Variants in PRKG1 observed in about 807,000 individuals in gnomAD.
The protein encoded by PRKG1 is cGMP-dependent protein kinase 1.
A neutral mutation model predicts 88.1 loss-of-function variants in PRKG1; 35 were observed. The observed-to-expected ratio is 0.40, with a 90% CI of 0.30 to 0.53. The LOEUF is 0.53. PRKG1 is among the 20% of genes least tolerant of loss of function. PRKG1 has a pLI of 0.59. For missense variants in PRKG1, 540 were observed against 839.8 expected (o/e 0.64, Z 4.41); for synonymous variants, 303 against 292.5 (o/e 1.04, Z -0.37).
chr10:51,410,159 A>G (rs1001563640), intron 2 of PRKG1, among the ~76,000 whole-genome samples: 1 of 151,946 alleles, frequency 6.6e-6, no homozygotes, highest in African/African-American at 2.4e-5. Context: ...GACAGAACTA[A>G]TAGGATATAT....
Position 51,034,671 on chromosome 10 carries a change from TATATATATATATATATATATATA to T in PRKG1, c.266+43028_266+43050del, listed in dbSNP as rs1564576947. ...AAAATTATATATAATATGTTATTTA[TATATATATATATATATATATATA>T]TATATATATATATGCCTTAAAAATT... is the stretch of plus-strand genomic sequence containing the variant. On this transcript the variant is annotated intron_variant, in intron 1 of 17. Coordinates refer to the PRKG1 transcript ENST00000401604. 4.0e-3 allele frequency among the ~76,000 whole-genome samples: 178 copies of T among 44,414 alleles called. 1 individual carries two copies. Among genetic ancestry groups the T allele is most frequent in the Non-Finnish European group, 7.3e-3 (146 of 20,122 alleles). The allele number at this position is 44,414 out of a possible 152,430, so 29.1% of individuals were successfully genotyped here. A position where few individuals can be genotyped will look rare whatever the true frequency, so the allele number is the denominator to read the frequency against.
chr10:51,515,874 GC>G (rs2132068774), intron 3 of PRKG1, among the ~76,000 whole-genome samples: 1 of 152,282 alleles, frequency 6.6e-6, no homozygotes, highest in South Asian at 2.1e-4. Context: ...CTCCATGTGG[GC>G]CCCGTGGCAG....
At chr10:51,805,322 C>T (rs1287441958) in intron 4 of PRKG1, among the ~76,000 whole-genome samples, 1 of 151,566 alleles carries the variant, frequency 6.6e-6, no homozygotes, top group African/African-American at 2.4e-5. Context: ...GAATAAAAAC[C>T]AGCTTTTTAT....
In PRKG1 at chr10:51,461,183, T is replaced by C. The variant is rs939312724; in HGVS notation, c.479-6540T>C. On this transcript the variant is annotated intron_variant, in intron 2 of 17. Transcript: ENST00000373980. The stretch of plus-strand genomic sequence containing the variant: ...GTCATGACCAGAAGGGAAATCAGAT[T>C]TGCCTAATCTAAGGAGAAGCAAAGA... Among the ~76,000 whole-genome samples, 3 of 152,148 alleles carry C rather than the reference T, an allele frequency of 2.0e-5. No individual in the cohort carries two copies. In the South Asian group the frequency reaches 6.2e-4, roughly 32 times the overall value.
At chr10:51,139,768 G>C (rs561461039) in intron 1 of PRKG1, among the ~76,000 whole-genome samples, 1 of 152,118 alleles carries the variant, frequency 6.6e-6, no homozygotes, top group East Asian at 1.9e-4. Flanking sequence ...TAGTGCAATA[G>C]CATCCTTTCT....
At chr10:51,228,614 A>G (rs565524423) in intron 2 of PRKG1, among the ~76,000 whole-genome samples, 1 of 152,210 alleles carries the variant, frequency 6.6e-6, no homozygotes, top group Non-Finnish European at 1.5e-5. Context: ...GGGGAGACCA[A>G]GAGAGCACTA....
At chr10:51,830,203 A>G (rs1839969785) in intron 4 of PRKG1, among the ~76,000 whole-genome samples, 1 of 152,170 alleles carries the variant, frequency 6.6e-6, no homozygotes, top group African/African-American at 2.4e-5. Context: ...TTTCCACCAT[A>G]TAACAGCTCT....
chr10:51,789,357 C>A (rs1055160626), intron 3 of PRKG1, among the ~76,000 whole-genome samples: 1 of 152,144 alleles, frequency 6.6e-6, no homozygotes, highest in Non-Finnish European at 1.5e-5. Context: ...CAGTAGCTTG[C>A]CAGAGGCTGA....
chr10:50,994,669 C>T (rs754557525), intron 1 of PRKG1, among the ~76,000 whole-genome samples: 12 of 151,984 alleles, frequency 7.9e-5, no homozygotes, highest in Non-Finnish European at 1.6e-4. Flanking sequence ...ACTATTCATG[C>T]TACAGATTCA....
At chr10:51,410,189 G>A (rs1838040497) in intron 2 of PRKG1, among the ~76,000 whole-genome samples, 1 of 150,752 alleles carries the variant, frequency 6.6e-6, no homozygotes, top group South Asian at 2.1e-4. Flanking sequence ...ATACTAATAG[G>A]ATCAATATTT....
chr10:52,149,156 A>G (rs1476001625), intron 8 of PRKG1, among the ~76,000 whole-genome samples: 1 of 151,856 alleles, frequency 6.6e-6, no homozygotes, highest in Non-Finnish European at 1.5e-5. Flanking sequence ...AACATGGGGT[A>G]CTTCCTATGG....
intron 2 of PRKG1, among the ~76,000 whole-genome samples, chr10:51,234,312 C>T (rs982074508): frequency 7.9e-5 from 12 of 152,116 alleles, no homozygotes; most frequent in Non-Finnish European, 1.2e-4. Flanking sequence ...TAATGAATTC[C>T]TTTTCTGCTT....
At chr10:51,074,940 G>A (rs1333078415) in intron 1 of PRKG1, 39 bp downstream of exon 1, 2 of 1,541,678 alleles carry the variant, frequency 1.3e-6, no homozygotes. Context: ...GTGGCGCCCT[G>A]GCGATGGGGA....
intron 9 of PRKG1, among the ~76,000 whole-genome samples, chr10:52,229,762 G>A (rs904165423): frequency 1.3e-5 from 2 of 152,156 alleles, no homozygotes; most frequent in African/African-American, 2.4e-5. Context: ...GAAGCAGCAT[G>A]AGGACTTTAT....
At chr10:51,732,101 C>G (rs1401816344) in intron 3 of PRKG1, among the ~76,000 whole-genome samples, 1 of 149,752 alleles carries the variant, frequency 6.7e-6, no homozygotes, top group African/African-American at 2.5e-5. Flanking sequence ...ACTCTGATGC[C>G]CAGGCTGGAG....
chr10:52,237,296 A>G (rs1292315034), intron 9 of PRKG1, among the ~76,000 whole-genome samples: 1 of 146,626 alleles, frequency 6.8e-6, no homozygotes, highest in Non-Finnish European at 1.5e-5. Context: ...CCTATTCAAC[A>G]CAGTGTTGGA....
At chr10:51,088,392 GTT>G (rs35801594) in intron 1 of PRKG1, among the ~76,000 whole-genome samples, 7 of 138,400 alleles carry the variant, frequency 5.1e-5, no homozygotes, top group East Asian at 2.1e-4. Context: ...TTGGTTTTCA[GTT>G]TTTTTTTTTT....
intron 9 of PRKG1, among the ~76,000 whole-genome samples, chr10:52,174,509 C>G (rs1838801371): frequency 6.6e-6 from 1 of 151,818 alleles, no homozygotes; most frequent in Non-Finnish European, 1.5e-5. Context: ...GAAAAAAGGA[C>G]TATAAAGAAG....
chr10:51,823,866 CTTTTTTTTT>C (rs5784887), intron 4 of PRKG1, among the ~76,000 whole-genome samples: 1 of 78,734 alleles, frequency 1.3e-5, no homozygotes, highest in Non-Finnish European at 2.3e-5. Context: ...TTTCTCTCTC[CTTTTTTTTT>C]TTTTTTTTTT....
Sources: allele counts gnomAD v4.1 joint callset (sites outside exome capture counted in the v4.1 genomes callset), GRCh38; gene constraint gnomAD v4.1.1; transcripts MANE v1.5; gene names NCBI Gene and HGNC (gene_info 2026-07-23, HGNC 2026-07-21).